The following TESMIN variants were observed in gnomAD, a reference collection of about 807,000 sequenced individuals.
TESMIN encodes the protein testis expressed metallothionein like protein, also known as CXC domain containing 2.
Under a neutral mutation model 47.4 loss-of-function variants are expected in TESMIN, and 34 were observed. The ratio of observed to expected loss-of-function variants is 0.72; its 90% CI spans 0.55 to 0.96. TESMIN has a LOEUF of 0.96. Among genes scored for constraint, TESMIN ranks in the 40% least tolerant of loss-of-function variants. TESMIN has a pLI of 0.00. For missense variants in TESMIN, 610 were observed against 637.2 expected, an observed-to-expected ratio of 0.96 and a Z score of 0.46; for synonymous variants, 278 against 258.9, an observed-to-expected ratio of 1.07 and a Z score of -0.71.
At chr11:68,718,441 G>A (rs1594287956) in intron 6 of TESMIN, among the ~76,000 whole-genome samples, 1 of 152,200 alleles carries the variant, frequency 6.6e-6, no homozygotes, top group Admixed American at 6.5e-5. Flanking sequence ...TCACAGTGAT[G>A]AAAGACCTAG....
chr11:68,750,811 G>T (rs186654582), intron 1 of TESMIN, 112 bp from the exon 2 acceptor site: 2,295 of 224,382 alleles, frequency 0.01, 79 homozygotes, highest in Non-Finnish European at 0.015. Context: ...GCCAGGGGAG[G>T]GGACCAGGTG....
intron 2 of TESMIN, among the ~76,000 whole-genome samples, chr11:68,748,154 G>GTAACA (rs1566328392): frequency 6.6e-6 from 1 of 152,192 alleles, no homozygotes; most frequent in African/African-American, 2.4e-5. Flanking sequence ...TGGCTCTAAG[G>GTAACA]TAACATACTG....
downstream of TESMIN, among the ~76,000 whole-genome samples, chr11:68,706,922 G>A (rs933773816): frequency 1.3e-5 from 2 of 152,176 alleles, no homozygotes; most frequent in African/African-American, 4.8e-5. Context: ...CCCATTTCCA[G>A]GTCACCTTCC....
At chr11:68,714,905 TG>T (rs1194312826) in intron 7 of TESMIN, among the ~76,000 whole-genome samples, 1 of 152,246 alleles carries the variant, frequency 6.6e-6, no homozygotes, top group Non-Finnish European at 1.5e-5. Context: ...CAACCCTTTT[TG>T]TTTTTACAGT....
chr11:68,715,668 C>T (rs1053078900), intron 7 of TESMIN, among the ~76,000 whole-genome samples, 169 bp downstream of exon 7: 2 of 151,950 alleles, frequency 1.3e-5, no homozygotes, highest in African/African-American at 2.4e-5. Flanking sequence ...TTACAACAGC[C>T]GCTTGTCGTG....
At position 68,708,488 on chromosome 11, in the gene TESMIN, T is replaced by C; in HGVS notation, c.1347A>G (p.Ser449=). The stretch of plus-strand genomic sequence containing the variant: ...CCTCCACCACCTCCCAGGAGATGCA[T>C]GAGGAAGGCCGCCTGTCAGAAACAG... ...PRFSHDRRPS[S]CISWEVVEAT... The change falls in exon 10 of 10, where the codon TCA becomes TCG. Residue 449 remains serine, a synonymous_variant. Coordinates refer to ENST00000255087, the MANE Select transcript of TESMIN (RefSeq NM_004923.3). 2.5e-6 allele frequency: 4 copies of C among 1,608,392 alleles called. No homozygotes were observed. Among genetic ancestry groups the C allele is most frequent in the Non-Finnish European group, 3.4e-6 (4 of 1,177,756 alleles).
chr11:68,726,685 A>G (rs867301933), intron 6 of TESMIN, among the ~76,000 whole-genome samples: 1 of 152,178 alleles, frequency 6.6e-6, no homozygotes, highest in South Asian at 2.1e-4. Flanking sequence ...TTCACCTTCT[A>G]CTCCACAGAA....
chr11:68,729,251 C>A (rs1489349832), intron 6 of TESMIN, among the ~76,000 whole-genome samples: 2 of 152,148 alleles, frequency 1.3e-5, no homozygotes, highest in Admixed American at 6.5e-5. Context: ...ACCAGCTGGG[C>A]GTGGTGGCTC....
At chr11:68,710,522 C>T (rs1051339362) in intron 9 of TESMIN, 3 of 216,662 alleles carry the variant, frequency 1.4e-5, no homozygotes, top group African/African-American at 2.3e-5. Context: ...GTCTTTGCTG[C>T]GCTGGGTCGT....
chr11:68,713,630 G>A (rs1370056514), intron 7 of TESMIN, among the ~76,000 whole-genome samples: 1 of 152,138 alleles, frequency 6.6e-6, no homozygotes, highest in African/African-American at 2.4e-5. Flanking sequence ...TGTTTTCTGA[G>A]TTTCCAAGTC....
At chr11:68,709,260 T>C (rs935450023) in intron 9 of TESMIN, among the ~76,000 whole-genome samples, 3 of 152,054 alleles carry the variant, frequency 2.0e-5, no homozygotes, top group Admixed American at 6.6e-5. Flanking sequence ...AGGCAGGAAA[T>C]TGCAGAAGCA....
intron 6 of TESMIN, among the ~76,000 whole-genome samples, chr11:68,728,322 C>T (rs947283596): frequency 2.6e-5 from 4 of 152,160 alleles, no homozygotes; most frequent in South Asian, 2.1e-4. Context: ...AAGATGAAAC[C>T]GGACAAAGCC....
chr11:68,743,387 G>A (rs750400506), intron 4 of TESMIN, among the ~76,000 whole-genome samples: 1 of 151,912 alleles, frequency 6.6e-6, no homozygotes, highest in Admixed American at 6.6e-5. Context: ...TGGGACAACA[G>A]GTGCACACCA....
chr11:68,711,543 G>A (rs1276790487), intron 8 of TESMIN, among the ~76,000 whole-genome samples: 7 of 152,090 alleles, frequency 4.6e-5, no homozygotes, highest in Non-Finnish European at 1.0e-4. Flanking sequence ...GTATGGGTGT[G>A]AGTCCCAAGC....
chr11:68,731,910 A>G (rs972169361), intron 6 of TESMIN, among the ~76,000 whole-genome samples: 1 of 152,254 alleles, frequency 6.6e-6, no homozygotes, highest in African/African-American at 2.4e-5. Flanking sequence ...ATCACAATGC[A>G]TGATCAGAAT....
At chr11:68,726,480 A>T (rs1458124645) in intron 6 of TESMIN, among the ~76,000 whole-genome samples, 1 of 152,276 alleles carries the variant, frequency 6.6e-6, no homozygotes, top group African/African-American at 2.4e-5. Flanking sequence ...AGTTTAAAAA[A>T]ATCACAAAAT....
chr11:68,738,478 G>T (rs1946414303), intron 6 of TESMIN: 2 of 1,347,276 alleles, frequency 1.5e-6, no homozygotes, highest in South Asian at 3.2e-5. Flanking sequence ...AGGGACAGAT[G>T]CAGGTTATGG....
At chr11:68,715,461 G>C (rs1227032207) in intron 7 of TESMIN, among the ~76,000 whole-genome samples, 2 of 152,158 alleles carry the variant, frequency 1.3e-5, no homozygotes, top group Non-Finnish European at 2.9e-5. Context: ...GCCTTCTCAC[G>C]CAGTGGACTG....
At chr11:68,721,456 T>C (rs1470430016) in intron 6 of TESMIN, among the ~76,000 whole-genome samples, 1 of 151,996 alleles carries the variant, frequency 6.6e-6, no homozygotes, top group African/African-American at 2.4e-5. Flanking sequence ...CCATTACTGC[T>C]CCTTTGCCAC....
Sources: gnomAD v4.1 joint callset for allele counts (sites outside exome capture counted in the v4.1 genomes callset) on GRCh38, gnomAD v4.1.1 for gene constraint, MANE v1.5 for transcripts, NCBI Gene and HGNC (gene_info 2026-07-23, HGNC 2026-07-21) for gene names.